The following NAPA variants were observed in gnomAD, a reference collection of about 807,000 sequenced individuals.
NAPA encodes the protein alpha-soluble NSF attachment protein.
A neutral mutation model predicts 48.0 loss-of-function variants in NAPA; 18 were observed. The ratio of observed to expected loss-of-function variants is 0.38; its 90% confidence interval spans 0.26 to 0.56. NAPA has a LOEUF of 0.56. Ranked by LOEUF, NAPA falls within the 20% of genes least tolerant of loss-of-function variation. The probability of loss-of-function intolerance (pLI) is 0.77; values close to 1 mark genes in which losing one functional copy is unlikely to be tolerated. For synonymous variants in NAPA, 152 were observed against 149.9 expected (o/e 1.01, Z -0.10); for missense variants, 315 against 385.0 (o/e 0.82, Z 1.52).
chr19:47,499,722 G>A (rs1968524285), intron 3 of NAPA, among the ~76,000 whole-genome samples: 1 of 152,174 alleles, frequency 6.6e-6, no homozygotes, highest in Non-Finnish European at 1.5e-5. Context: ...ACGACAAAGG[G>A]GTATGCCAGC....
intron 1 of NAPA, among the ~76,000 whole-genome samples, chr19:47,507,510 C>T (rs577765036): frequency 4.6e-4 from 70 of 152,264 alleles, no homozygotes; most frequent in Non-Finnish European, 5.7e-4. Context: ...AAGTCAGGCC[C>T]CCATTTCGGG....
intron 8 of NAPA, 26 bp from the exon 9 acceptor site, chr19:47,490,882 G>A (rs1431735639): frequency 6.2e-7 from 1 of 1,608,164 alleles, no homozygotes; most frequent in East Asian, 2.2e-5. Context: ...GGGAGAAGAT[G>A]AGTTAGTAAC....
intron 4 of NAPA, among the ~76,000 whole-genome samples, chr19:47,494,716 TGAGA>T (rs1369177083): frequency 8.2e-6 from 1 of 121,838 alleles, no homozygotes; most frequent in Non-Finnish European, 1.6e-5. Context: ...CCAGCCTAGA[TGAGA>T]GAGAAACTCT....
At chr19:47,499,496 G>A (rs1331719717) in intron 3 of NAPA, among the ~76,000 whole-genome samples, 2 of 152,252 alleles carry the variant, frequency 1.3e-5, no homozygotes, top group African/African-American at 4.8e-5. Flanking sequence ...CACGCAGCCT[G>A]CTGTGGCCCA....
chr19:47,489,331 C>G (rs1286537678), intron 10 of NAPA: 6 of 249,374 alleles, frequency 2.4e-5, no homozygotes. Flanking sequence ...CCTTCTCACC[C>G]CTTCCCTCCC....
At chr19:47,492,243 CCAGGACCCCAAGGG>C in intron 7 of NAPA, 124 bp from the exon 8 acceptor site, 1 of 807,536 alleles carries the variant, frequency 1.2e-6, no homozygotes, top group Non-Finnish European at 2.0e-6. Flanking sequence ...CCCTGTTAAC[CCAGGACCCCAAGGG>C]CAGGGAGCCA....
rs747385697 is a variant in NAPA, at chr19:47,489,408, G to A, written c.786+303C>T. ...TCACACACTCACCTGGGGGACTCAA[G>A]GAACCCTGGTCTTCAGAGGCAGACA... is the stretch of plus-strand genomic sequence containing the variant. On this transcript the variant is annotated intron_variant, in intron 10 of 10. Coordinates refer to ENST00000263354, the MANE Select transcript of NAPA (RefSeq NM_003827.4). 42 of 446,994 alleles carry A rather than the reference G, an allele frequency of 9.4e-5. No individual in the cohort carries two copies. The East Asian group carries it at 1.5e-3, about 16-fold the overall frequency. The allele number at this position is 446,994 out of a possible 1,614,324, so 27.7% of individuals were successfully genotyped here.
chr19:47,508,606 T>C (rs1968740805), intron 1 of NAPA, among the ~76,000 whole-genome samples: 1 of 151,820 alleles, frequency 6.6e-6, no homozygotes, highest in Non-Finnish European at 1.5e-5. Context: ...TGGCGAGACC[T>C]GGGCTGAAGT....
intron 1 of NAPA, among the ~76,000 whole-genome samples, chr19:47,510,390 C>T (rs943454983): frequency 1.3e-5 from 2 of 152,202 alleles, no homozygotes; most frequent in Admixed American, 6.5e-5. Context: ...CCTATTTCTC[C>T]AGCACTTCTA....
chr19:47,506,388 G>A lies in NAPA; in HGVS notation c.99-2886C>T, dbSNP rs1654686823. 6.6e-6 allele frequency among the ~76,000 whole-genome samples: 1 copy of A among 152,066 alleles called. No homozygotes were observed. The highest frequency in any genetic ancestry group is 2.1e-4 in the South Asian group (1 of 4,820). ...CTGAGAATCCTGAAGGGTCCTTTGG[G>A]GCCTGGCTGCAAAAAACCCTCAGAA... On this transcript the variant is annotated intron_variant, in intron 1 of 10. Transcript: ENST00000263354. This position sits in a 1 kb window ranked among gnomAD's most constrained non-coding sequence, Gnocchi z 4.0.
chr19:47,508,336 G>T (rs1968734202), intron 1 of NAPA, among the ~76,000 whole-genome samples: 1 of 152,224 alleles, frequency 6.6e-6, no homozygotes, highest in Non-Finnish European at 1.5e-5. Context: ...ACCGCCACCA[G>T]TATCACCTGG....
intron 10 of NAPA, 62 bp from the exon 11 acceptor site, chr19:47,488,451 G>C (rs1968139977): frequency 1.1e-5 from 15 of 1,365,754 alleles, no homozygotes; most frequent in Middle Eastern, 1.8e-4. Flanking sequence ...TGCAGCCCAA[G>C]GGCACTTGTC....
intron 10 of NAPA, 93 bp from the exon 11 acceptor site, chr19:47,488,482 C>G (rs1048303163): frequency 1.0e-6 from 1 of 956,348 alleles, no homozygotes. Flanking sequence ...CAAGATCTGT[C>G]TCTGTCACCC....
At chr19:47,498,800 T>C (rs1968497739) in intron 3 of NAPA, among the ~76,000 whole-genome samples, 2 of 152,196 alleles carry the variant, frequency 1.3e-5, no homozygotes, top group South Asian at 2.1e-4. Flanking sequence ...CTGGGAGTCA[T>C]GGCTGGCGTG....
chr19:47,487,496 A>G (rs1394552052), downstream of NAPA: 1 of 152,008 alleles, frequency 6.6e-6, no homozygotes, highest in Non-Finnish European at 1.5e-5. Flanking sequence ...CTAGAAACTG[A>G]CCCAGCCCAC....
chr19:47,485,055 C>T (rs1484174006), downstream of NAPA, among the ~76,000 whole-genome samples: 1 of 152,066 alleles, frequency 6.6e-6, no homozygotes, highest in Non-Finnish European at 1.5e-5. Flanking sequence ...ATTCTTCTTG[C>T]CCCCAAGGAA....
intron 9 of NAPA, 47 bp from the exon 10 acceptor site, chr19:47,489,808 G>A (rs1333068818): frequency 3.1e-6 from 5 of 1,602,826 alleles, no homozygotes; most frequent in Admixed American, 1.7e-5. Flanking sequence ...GCTGACCTGA[G>A]GTCTGGCCTG....
At chr19:47,514,709 G>C (rs1457380770) in intron 1 of NAPA, 134 bp downstream of exon 1, 1 of 811,682 alleles carries the variant, frequency 1.2e-6, no homozygotes, top group African/African-American at 1.7e-5. Context: ...GCCGCCTCAG[G>C]CCATGTCACC....
At chr19:47,499,241 G>C (rs2122753087) in intron 3 of NAPA, among the ~76,000 whole-genome samples, 1 of 152,388 alleles carries the variant, frequency 6.6e-6, no homozygotes, top group East Asian at 1.9e-4. Context: ...TGCTGAAAGA[G>C]CAAATGGCAC....
Sources: allele counts gnomAD v4.1 joint callset (sites outside exome capture counted in the v4.1 genomes callset), GRCh38; gene constraint gnomAD v4.1.1; non-coding constraint Gnocchi (gnomAD v3.1); transcripts MANE v1.5; gene names NCBI Gene and HGNC (gene_info 2026-07-23, HGNC 2026-07-21).